ATG7: variants seen among roughly 807,000 people sequenced by gnomAD.
ATG7 encodes the protein ubiquitin-like modifier-activating enzyme ATG7.
Under a neutral mutation model 82.4 loss-of-function variants are expected in ATG7, and 70 were observed. The ratio of observed to expected loss-of-function variants is 0.85; its 90% CI spans 0.70 to 1.04. ATG7 has a LOEUF of 1.04. Ranked by LOEUF, ATG7 falls within the 50% of genes least tolerant of loss-of-function variation. ATG7 has a pLI of 0.00. For missense variants in ATG7, 792 were observed against 864.3 expected (o/e 0.92, Z 1.05); for synonymous variants, 287 against 313.0 (o/e 0.92, Z 0.88).
chr3:11,564,551 G>A, the ATG7 span, among the ~76,000 whole-genome samples: 3 of 152,192 alleles, frequency 2.0e-5, no homozygotes, highest in African/African-American at 2.4e-5. Context: ...GCCCAAGGCC[G>A]TGAGTGCTAA....
chr3:11,306,873 GGTGGTTGACTT>G (rs909189726), intron 5 of ATG7, 59 bp from the exon 6 acceptor site: 2 of 1,164,908 alleles, frequency 1.7e-6, no homozygotes, highest in Admixed American at 3.5e-5. Context: ...CCACTACAGT[GGTGGTTGACTT>G]GTCTCTCCCT....
chr3:11,311,366 G>C (rs1447024795), intron 7 of ATG7, among the ~76,000 whole-genome samples: 2 of 152,048 alleles, frequency 1.3e-5, no homozygotes, highest in Admixed American at 6.5e-5. Context: ...CGATTTGGGA[G>C]GCCGAGGTAG....
At chr3:11,501,135 T>TC (rs1309388837) in intron 20 of ATG7, among the ~76,000 whole-genome samples, 5 of 152,300 alleles carry the variant, frequency 3.3e-5, no homozygotes, top group African/African-American at 1.2e-4. Context: ...GCACCTGTAG[T>TC]CCCAGCTACC....
chr3:11,534,734 G>A (rs1471573797), intron 20 of ATG7, among the ~76,000 whole-genome samples: 2 of 152,176 alleles, frequency 1.3e-5, no homozygotes, highest in Admixed American at 1.3e-4. Context: ...CCCTCCCAGC[G>A]CAGCCTGGTA....
rs770007774 is a variant in ATG7 at position 11,554,882 on chromosome 3, T to A, written c.*39T>A. On this transcript the variant is annotated 3_prime_UTR_variant, in exon 21 of 21. Coordinates refer to ENST00000693202, the MANE Select transcript of ATG7 (RefSeq NM_001349232.2). Reference sequence around the variant, plus strand: ...TGGGGCTGACTTCTCCCCGGCCGCCTGCTGAGGAGCTCTCCATCGCCAGAG... The same window carrying A: ...TGGGGCTGACTTCTCCCCGGCCGCCAGCTGAGGAGCTCTCCATCGCCAGAG... 41 of 1,606,536 alleles carry A rather than the reference T, an allele frequency of 2.6e-5. No individual in the cohort carries two copies. The highest frequency in any genetic ancestry group is 3.1e-5 in the Non-Finnish European group (36 of 1,177,658).
intron 20 of ATG7, among the ~76,000 whole-genome samples, chr3:11,519,087 A>C (rs1462924200): frequency 6.6e-6 from 1 of 152,186 alleles, no homozygotes; most frequent in Non-Finnish European, 1.5e-5. Flanking sequence ...CAACTTGCCA[A>C]ATTTTCCAGA....
At position 11,552,666 on chromosome 3, in the gene ATG7, A is replaced by G. The variant is rs924825403; in HGVS notation, c.2080-2145A>G. 5.3e-5 allele frequency among the ~76,000 whole-genome samples: 8 copies of G among 152,286 alleles called. 1 individual carries two copies. The highest frequency in any genetic ancestry group is 1.3e-4 in the Admixed American group (2 of 15,298). On this transcript the variant is annotated intron_variant, in intron 20 of 20. Transcript: ENST00000693202. ...GGAAAATCCCTGAGTGGTTTTGTAA[A>G]ATGCATTTTACAAAATAATAATCCC...
chr3:11,277,891 A>ACCCCCCCCCCCCCCCCCCC lies in ATG7; in HGVS notation c.-365-3090_-365-3089insCCCCCCCCCCCCCCCCCCC, dbSNP rs71626995. Among the ~76,000 whole-genome samples, 6 of 60,770 alleles carry ACCCCCCCCCCCCCCCCCCC rather than the reference A, an allele frequency of 9.9e-5. 1 individual carries two copies. Among genetic ancestry groups the ACCCCCCCCCCCCCCCCCCC allele is most frequent in the African/African-American group, 2.7e-4 (4 of 14,682 alleles). The allele number at this position is 60,770 out of a possible 152,430, so 39.9% of individuals were successfully genotyped here. On this transcript the variant is annotated intron_variant, in intron 1 of 20. Coordinates refer to ENST00000693202, the MANE Select transcript of ATG7 (RefSeq NM_001349232.2). ...ACACTCCCAGAGCGGCCCTTTATAG[A>ACCCCCCCCCCCCCCCCCCC]CCCCCCCCCCCCCACCAGGAATGCA... is the stretch of plus-strand genomic sequence containing the variant.
At chr3:11,281,496 G>A (rs1943024432) in intron 2 of ATG7, among the ~76,000 whole-genome samples, 1 of 152,162 alleles carries the variant, frequency 6.6e-6, no homozygotes, top group African/African-American at 2.4e-5. Flanking sequence ...AATCAGGCCG[G>A]GTGTGGTGGC....
At chr3:11,327,905 A>G (rs1469721949) in intron 9 of ATG7, among the ~76,000 whole-genome samples, 1 of 152,228 alleles carries the variant, frequency 6.6e-6, no homozygotes, top group Non-Finnish European at 1.5e-5. Context: ...GAAGGCTCCC[A>G]GGGAAGGCTG....
rs993394420 is a variant in ATG7, at chr3:11,306,960, C to T, written c.233C>T (p.Ala78Val). ...GTATCTAGGAGTGCTCCCACCCCAG[C>T]CCGTTGCTGCCCAGCTATTGGAACA... Reference protein sequence around the residue: ...SAFDMSAPTPARCCPAIGTLY... With the variant: ...SAFDMSAPTPVRCCPAIGTLY... The change falls in exon 6 of 21, where the codon GCC (alanine) becomes GTC (valine). Residue 78 changes from alanine (A) to valine (V), a missense_variant. Physicochemically the swap from Ala to Val is moderately conservative, Grantham distance 64. Transcript: ENST00000693202. The T allele has an allele frequency of 4.3e-6, 7 of 1,613,878 alleles. No homozygotes were observed. In the African/African-American group the frequency reaches 5.3e-5, roughly 12 times the overall value.
At chr3:11,293,855 GA>G (rs58019345) in intron 3 of ATG7, among the ~76,000 whole-genome samples, 221 of 132,590 alleles carry the variant, frequency 1.7e-3, no homozygotes, top group African/African-American at 5.4e-3. Context: ...CGTATCGAGA[GA>G]AAAAAAAAAA....
chr3:11,306,395 A>C (rs1559361523), intron 5 of ATG7, among the ~76,000 whole-genome samples: 1 of 152,110 alleles, frequency 6.6e-6, no homozygotes, highest in Non-Finnish European at 1.5e-5. Context: ...TTATGTGCCA[A>C]CTCTTAGCAG....
At chr3:11,495,300 A>T (rs1271592900) in intron 20 of ATG7, among the ~76,000 whole-genome samples, 1 of 152,170 alleles carries the variant, frequency 6.6e-6, no homozygotes, top group Non-Finnish European at 1.5e-5. Flanking sequence ...ACAGTAGGAA[A>T]TGGAGATTGG....
intron 20 of ATG7, among the ~76,000 whole-genome samples, chr3:11,486,142 A>T (rs989293745): frequency 7.2e-5 from 11 of 152,222 alleles, no homozygotes; most frequent in South Asian, 2.1e-4. Context: ...CAGTATGGCC[A>T]TTTTCATGAT....
intron 3 of ATG7, among the ~76,000 whole-genome samples, chr3:11,294,311 C>G (rs1945494299): frequency 6.6e-6 from 1 of 151,912 alleles, no homozygotes; most frequent in Admixed American, 6.6e-5. Flanking sequence ...ACCTCCGCCT[C>G]CCAGGTTCAA....
intron 20 of ATG7, among the ~76,000 whole-genome samples, chr3:11,519,804 G>A (rs769318314): frequency 9.9e-5 from 15 of 151,662 alleles, no homozygotes; most frequent in East Asian, 1.9e-4. Context: ...CTTGTGATCC[G>A]CCCACCTCGG....
intron 14 of ATG7, among the ~76,000 whole-genome samples, chr3:11,349,300 A>G (rs1462664120): frequency 6.6e-6 from 1 of 152,176 alleles, no homozygotes; most frequent in African/African-American, 2.4e-5. Flanking sequence ...GCACTTTGGG[A>G]GGCTAAGGCA....
chr3:11,545,183 G>A (rs911431456), intron 20 of ATG7, among the ~76,000 whole-genome samples: 2 of 152,186 alleles, frequency 1.3e-5, no homozygotes, highest in African/African-American at 4.8e-5. Flanking sequence ...GGTGTGCAGG[G>A]CCAGGGCTGG....
Sources: gnomAD v4.1 joint callset for allele counts (sites outside exome capture counted in the v4.1 genomes callset) on GRCh38, gnomAD v4.1.1 for gene constraint, MANE v1.5 for transcripts, NCBI Gene and HGNC (gene_info 2026-07-23, HGNC 2026-07-21) for gene names.